The following ALK variants were observed in gnomAD, a reference collection of about 807,000 sequenced individuals.
The protein encoded by ALK is ALK tyrosine kinase receptor.
In ALK, 74 loss-of-function variants were observed where a neutral mutation model predicts 163.1. That is an observed-to-expected ratio of 0.45 (90% CI 0.38 to 0.55). ALK has a LOEUF of 0.55. Ranked by LOEUF, ALK falls within the 20% of genes least tolerant of loss-of-function variation. The pLI is 0.00. For missense variants in ALK, 2,063 were observed against 2,105.3 expected, an observed-to-expected ratio of 0.98 and a Z score of 0.39; for synonymous variants, 960 against 843.2, an observed-to-expected ratio of 1.14 and a Z score of -2.40.
chr2:29,441,675 G>A (rs1292316450), intron 4 of ALK, among the ~76,000 whole-genome samples: 1 of 152,188 alleles, frequency 6.6e-6, no homozygotes, highest in South Asian at 2.1e-4. Context: ...AACCATAAAA[G>A]GGCCAATTAC....
chr2:29,358,803 A>T (rs1668316691), intron 5 of ALK, among the ~76,000 whole-genome samples: 1 of 152,134 alleles, frequency 6.6e-6, no homozygotes, highest in South Asian at 2.1e-4. Context: ...TTCCCCCATG[A>T]GGGTACTTAA....
intron 3 of ALK, among the ~76,000 whole-genome samples, chr2:29,583,155 AGGTGT>A (rs1674771793): frequency 2.6e-5 from 4 of 151,748 alleles, no homozygotes; most frequent in African/African-American, 9.7e-5. Flanking sequence ...CTGGGACTAC[AGGTGT>A]GAGTCACCAT....
chr2:29,644,249 G>A (rs574202272), intron 3 of ALK, among the ~76,000 whole-genome samples: 30 of 120,820 alleles, frequency 2.5e-4, no homozygotes, highest in Admixed American at 6.6e-4. Context: ...GGCCTGTTGC[G>A]GGGTGGGGGG....
At chr2:29,804,609 C>CCATT (rs1332023850) in intron 1 of ALK, among the ~76,000 whole-genome samples, 2 of 152,246 alleles carry the variant, frequency 1.3e-5, no homozygotes, top group Admixed American at 6.5e-5. Context: ...CACTCTACCT[C>CCATT]CATTGCCTTC....
At chr2:29,806,485 C>A (rs991614963) in intron 1 of ALK, among the ~76,000 whole-genome samples, 1 of 152,092 alleles carries the variant, frequency 6.6e-6, no homozygotes, top group Non-Finnish European at 1.5e-5. Context: ...GAGAAGGAGC[C>A]GCCAGCTGAT....
At chr2:29,749,731 T>C (rs1680303758) in intron 1 of ALK, among the ~76,000 whole-genome samples, 1 of 152,092 alleles carries the variant, frequency 6.6e-6, no homozygotes, top group African/African-American at 2.4e-5. Context: ...TTAGCCCACA[T>C]AAGGCAACTT....
chr2:29,361,201 A>T (rs1044632068), intron 5 of ALK, among the ~76,000 whole-genome samples: 20 of 152,222 alleles, frequency 1.3e-4, no homozygotes, highest in South Asian at 8.3e-4. Flanking sequence ...CAGCTTTCAG[A>T]TGGGGCATAA....
At chr2:29,277,495 A>G (rs1665578027) in intron 9 of ALK, among the ~76,000 whole-genome samples, 1 of 152,254 alleles carries the variant, frequency 6.6e-6, no homozygotes, top group Non-Finnish European at 1.5e-5. Context: ...ATCTTGTGAG[A>G]TCTGGTCATT....
chr2:29,776,607 C>T (rs1366571831), intron 1 of ALK, among the ~76,000 whole-genome samples: 1 of 152,004 alleles, frequency 6.6e-6, no homozygotes, highest in Non-Finnish European at 1.5e-5. Context: ...TCATTAGCTC[C>T]CGGAGGCTAA....
At chr2:29,629,572 C>A (rs1676297466) in intron 3 of ALK, among the ~76,000 whole-genome samples, 2 of 152,190 alleles carry the variant, frequency 1.3e-5, no homozygotes, top group African/African-American at 2.4e-5. Context: ...CTTTCTGTTA[C>A]ACCTAGCACA....
chr2:29,429,145 T>C (rs1186508481), intron 4 of ALK, among the ~76,000 whole-genome samples: 1 of 152,022 alleles, frequency 6.6e-6, no homozygotes, highest in Admixed American at 6.6e-5. Context: ...ACAGCTAACT[T>C]TATACTTTAA....
chr2:29,443,307 G>A (rs562056166), intron 4 of ALK, among the ~76,000 whole-genome samples: 1 of 152,276 alleles, frequency 6.6e-6, no homozygotes, highest in South Asian at 2.1e-4. Context: ...GAACCAATGA[G>A]GAAAACAGTT....
intron 1 of ALK, among the ~76,000 whole-genome samples, chr2:29,896,303 T>C (rs1297406808): frequency 6.6e-6 from 1 of 152,084 alleles, no homozygotes; most frequent in Non-Finnish European, 1.5e-5. Context: ...GGGAATGTCT[T>C]GACAAAAGCA....
chr2:29,907,521 G>A (rs1667583194), intron 1 of ALK, among the ~76,000 whole-genome samples: 1 of 152,158 alleles, frequency 6.6e-6, no homozygotes, highest in African/African-American at 2.4e-5. Context: ...CACTCCATCT[G>A]CCTTGCTGAG....
chr2:29,642,485 A>G (rs1676732866), intron 3 of ALK, among the ~76,000 whole-genome samples: 1 of 152,208 alleles, frequency 6.6e-6, no homozygotes, highest in South Asian at 2.1e-4. Flanking sequence ...AGAGACAAAC[A>G]AAAAAGGAAG....
In ALK at chr2:29,530,278, T is replaced by A. The variant is rs57415712; in HGVS notation, c.1154+1637A>T. ...AGAAAGGTAAAGAGGGAAAAACTATTTGCAAGGCCCTATGGCCAGTCATAC... is the reference window on the plus strand; with the variant it reads ...AGAAAGGTAAAGAGGGAAAAACTATATGCAAGGCCCTATGGCCAGTCATAC... On this transcript the variant is annotated intron_variant, in intron 4 of 28. Coordinates refer to ENST00000389048, the MANE Select transcript of ALK (RefSeq NM_004304.5). 6.0e-3 allele frequency among the ~76,000 whole-genome samples: 917 copies of A among 152,316 alleles called. 6 individuals carry two copies. Among genetic ancestry groups the A allele is most frequent in the African/African-American group, 0.021 (880 of 41,560 alleles).
intron 5 of ALK, among the ~76,000 whole-genome samples, chr2:29,356,082 G>A (rs1416430018): frequency 1.3e-5 from 2 of 152,130 alleles, no homozygotes; most frequent in Non-Finnish European, 2.9e-5. Flanking sequence ...AAGGCCCCTC[G>A]AGGTCCAAGG....
At chr2:29,219,198 T>A (rs974499564) in intron 23 of ALK, among the ~76,000 whole-genome samples, 2 of 152,212 alleles carry the variant, frequency 1.3e-5, no homozygotes, top group African/African-American at 4.8e-5. Context: ...AGGGCTCTTA[T>A]GAGACAGACA....
At chr2:29,848,316 T>C (rs1422862123) in intron 1 of ALK, among the ~76,000 whole-genome samples, 1 of 151,884 alleles carries the variant, frequency 6.6e-6, no homozygotes, top group African/African-American at 2.4e-5. Flanking sequence ...GCAGCCTGCA[T>C]GTTTCATGCT....
Sources: gnomAD v4.1 joint callset for allele counts (sites outside exome capture counted in the v4.1 genomes callset) on GRCh38, gnomAD v4.1.1 for gene constraint, MANE v1.5 for transcripts, NCBI Gene and HGNC (gene_info 2026-07-23, HGNC 2026-07-21) for gene names.